Variants in LCN8 observed in about 807,000 individuals in gnomAD.
LCN8 encodes the protein epididymal-specific lipocalin-8.
Under a neutral mutation model 22.8 loss-of-function variants are expected in LCN8, and 16 were observed. That is an observed-to-expected ratio of 0.70 (90% CI 0.47 to 1.06). The LOEUF (loss-of-function observed/expected upper bound fraction) is 1.06. LCN8 is among the 50% of genes least tolerant of loss of function. The probability of loss-of-function intolerance (pLI) is 0.00; values close to 1 mark genes in which losing one functional copy is unlikely to be tolerated. For synonymous variants in LCN8, 92 were observed against 83.4 expected, an observed-to-expected ratio of 1.10 and a Z score of -0.56; for missense variants, 189 against 203.3, an observed-to-expected ratio of 0.93 and a Z score of 0.43.
At chr9:136,755,939 G>A (rs1847180762) in intron 3 of LCN8, 1 of 1,299,962 alleles carries the variant, frequency 7.7e-7, no homozygotes. Flanking sequence ...GGAACAGCAT[G>A]GGGAACAGTG....
chr9:136,758,173 G>T lies in LCN8; in HGVS notation c.-243C>A, dbSNP rs946187139. 5 of 1,423,324 alleles carry T rather than the reference G, an allele frequency of 3.5e-6. No homozygotes were observed. The Admixed American group carries it at 1.1e-4, about 31-fold the overall frequency. 88.2% of individuals were successfully genotyped at this position (1,423,324 alleles called of 1,614,324 possible). The stretch of plus-strand genomic sequence containing the variant: ...GGCCCTGGTGACACCCACGCCCACC[G>T]CAGGGGTTAGCCTGGCCTAGACAGC... On this transcript the variant is annotated 5_prime_UTR_variant, in exon 1 of 7. Transcript: ENST00000371688.
rs769831563 is a variant in LCN8, at chr9:136,755,767, G to C, written c.227-251C>G. 1.7e-5 allele frequency: 25 copies of C among 1,465,044 alleles called. No individual in the cohort carries two copies. In the African/African-American group the frequency reaches 3.2e-4, roughly 19 times the overall value. 90.8% of individuals were successfully genotyped at this position (1,465,044 alleles called of 1,614,324 possible). ...CCCTGCAGGGAACAGCATGGGGAAC[G>C]GTGCAGGAAACAGCATGGGGAACAG... is the stretch of plus-strand genomic sequence containing the variant. On this transcript the variant is annotated intron_variant, in intron 3 of 6. Transcript: ENST00000371688.
Position 136,758,063 on chromosome 9 carries a change from A to G in LCN8, c.-133T>C. The G allele has an allele frequency of 6.6e-7, 1 of 1,508,948 alleles. No individual in the cohort carries two copies. Among genetic ancestry groups the G allele is most frequent in the South Asian group, 1.2e-5 (1 of 82,174 alleles). The allele number at this position is 1,508,948 out of a possible 1,614,324, so 93.5% of individuals were successfully genotyped here. On this transcript the variant is annotated 5_prime_UTR_variant, in exon 1 of 7. Transcript: ENST00000371688. Reference sequence around the variant, plus strand: ...TGGGCCGATTCTATACGGACAGTGCAGGCTTGTGCGCCCACCCGGGAATGT... The same window carrying G: ...TGGGCCGATTCTATACGGACAGTGCGGGCTTGTGCGCCCACCCGGGAATGT...
At chr9:136,757,664 A>T in intron 1 of LCN8, 1 of 1,430,496 alleles carries the variant, frequency 7.0e-7, no homozygotes, top group Non-Finnish European at 9.1e-7. Flanking sequence ...ACTTTTAAAA[A>T]CCCTACCATT....
In LCN8 at chr9:136,758,025, CT is replaced by C; in HGVS notation, c.-96del. 6.4e-7 allele frequency: 1 copy of C among 1,563,476 alleles called. No homozygotes were observed. The stretch of plus-strand genomic sequence containing the variant: ...GGCGGGGTCCGGGCTCCGGGTTCCC[CT>C]GCTGCACAGCCTGGGCCGATTCTAT... On this transcript the variant is annotated 5_prime_UTR_variant, in exon 1 of 7. Coordinates refer to ENST00000371688, the MANE Select transcript of LCN8 (RefSeq NM_178469.4).
upstream of LCN8, chr9:136,758,508 A>G: frequency 1.3e-5 from 13 of 991,290 alleles, no homozygotes; most frequent in Non-Finnish European, 1.6e-5. Context: ...CCAGAGTGAC[A>G]GTGACAGTGG....
At chr9:136,756,355 A>C (rs1224108212) in intron 3 of LCN8, 167 bp downstream of exon 3, 1 of 1,568,102 alleles carries the variant, frequency 6.4e-7, no homozygotes, top group Non-Finnish European at 8.6e-7. Context: ...GGGGAACAGC[A>C]CAGGGAATAG....
At chr9:136,756,627 T>G in intron 2 of LCN8, 35 bp from the exon 3 acceptor site, 2 of 1,608,930 alleles carry the variant, frequency 1.2e-6, no homozygotes, top group Non-Finnish European at 1.7e-6. Context: ...GGTAAAATGC[T>G]AGCCTGTGTC....
chr9:136,757,023 C>T lies in LCN8; in HGVS notation c.155+15G>A. ...TGCATGCCTCTTCCTCTCCAGCAGCCCCCAGGCCTCTTACCTGTTATATGC... is the reference window on the plus strand; with the variant it reads ...TGCATGCCTCTTCCTCTCCAGCAGCTCCCAGGCCTCTTACCTGTTATATGC... On this transcript the variant is annotated intron_variant, in intron 2 of 6. Transcript: ENST00000371688. 6.2e-7 allele frequency: 1 copy of T among 1,611,924 alleles called. No homozygotes were observed. The highest frequency in any genetic ancestry group is 8.5e-7 in the Non-Finnish European group (1 of 1,179,288).
intron 6 of LCN8, chr9:136,754,906 C>CT (rs2131085426): frequency 7.3e-7 from 1 of 1,367,930 alleles, no homozygotes; most frequent in South Asian, 2.0e-5. Context: ...GGGTCCCTGC[C>CT]TGGCAGCCTA....
chr9:136,758,327 T>C (rs1847257379), upstream of LCN8: 1 of 1,106,284 alleles, frequency 9.0e-7, no homozygotes. Context: ...CACATGACAC[T>C]TGTTTTTTTG....
chr9:136,755,214 C>A (rs879466), intron 5 of LCN8, 30 bp downstream of exon 5: 2 of 1,610,814 alleles, frequency 1.2e-6, no homozygotes, highest in African/African-American at 2.7e-5. Context: ...GGGCCCAGCC[C>A]AGCCTCCACC....
chr9:136,754,452 G>A lies in LCN8; in HGVS notation c.*46C>T, dbSNP rs1217876488. 1.9e-6 allele frequency: 3 copies of A among 1,554,388 alleles called. No homozygotes were observed. The East Asian group carries it at 7.1e-5, about 37-fold the overall frequency. The stretch of plus-strand genomic sequence containing the variant: ...TGGGCAGGGTGCCCAGGAGGGGCAG[G>A]GGTGGGCGGGCGCTCCGAACCTTGT... On this transcript the variant is annotated 3_prime_UTR_variant, in exon 7 of 7. Transcript: ENST00000371688.
chr9:136,754,416 A>G lies in LCN8; in HGVS notation c.*82T>C, dbSNP rs1359743856. On this transcript the variant is annotated 3_prime_UTR_variant, in exon 7 of 7. Coordinates refer to ENST00000371688, the MANE Select transcript of LCN8 (RefSeq NM_178469.4). ...TTCACAGTTTATTCAGAGCAGGTGCAGGTGACCTGGTGGGCAGGGTGCCCA... is the reference window on the plus strand; with the variant it reads ...TTCACAGTTTATTCAGAGCAGGTGCGGGTGACCTGGTGGGCAGGGTGCCCA... 1 of 1,306,118 alleles carries G rather than the reference A, an allele frequency of 7.7e-7. No individual in the cohort carries two copies. Among genetic ancestry groups the G allele is most frequent in the Admixed American group, 2.3e-5 (1 of 44,272 alleles). The allele number at this position is 1,306,118 out of a possible 1,614,324, so 80.9% of individuals were successfully genotyped here.
chr9:136,757,692 T>G, intron 1 of LCN8: 1 of 985,424 alleles, frequency 1.0e-6, no homozygotes, highest in South Asian at 4.7e-5. Context: ...GGAAAGAATC[T>G]TCGTCTCCGG....
At chr9:136,756,698 T>A in intron 2 of LCN8, 106 bp from the exon 3 acceptor site, 2 of 1,465,728 alleles carry the variant, frequency 1.4e-6, no homozygotes, top group Non-Finnish European at 9.1e-7. Flanking sequence ...CAGGCAGCAC[T>A]GTGGAGTATC....
upstream of LCN8, chr9:136,758,371 G>A: frequency 9.8e-7 from 1 of 1,020,008 alleles, no homozygotes; most frequent in Non-Finnish European, 1.2e-6. Flanking sequence ...AGGGCTGTGG[G>A]CACTGATGGG....
Position 136,755,274 on chromosome 9 carries a change from CT to C in LCN8, c.390del (p.Asp131ThrfsTer17). On this transcript the variant is annotated frameshift_variant, in exon 5 of 7. Transcript: ENST00000371688. LOFTEE classifies it high-confidence loss of function. ...LGFWKFRELT[A>X]DTGLYLAARP... ...CGGGCCGCCAGGTAGAGACCAGTGT[CT>C]GCTGTCAGCTCCCGAAACTTCCAGA... 6.2e-7 allele frequency: 1 copy of C among 1,612,214 alleles called. No individual in the cohort carries two copies. Among genetic ancestry groups the C allele is most frequent in the East Asian group, 2.2e-5 (1 of 44,878 alleles).
upstream of LCN8, chr9:136,758,249 G>A (rs1847256144): frequency 7.9e-7 from 1 of 1,265,616 alleles, no homozygotes; most frequent in Admixed American, 3.5e-5. Context: ...ACGCTGCTGG[G>A]GCCGTCTCGG....
Sources: gnomAD v4.1 joint callset for allele counts on GRCh38, gnomAD v4.1.1 for gene constraint, MANE v1.5 for transcripts, NCBI Gene and HGNC (gene_info 2026-07-23, HGNC 2026-07-21) for gene names.